The following RNF130 variants were observed in gnomAD, a reference collection of about 807,000 sequenced individuals.
RNF130 encodes the protein ring finger protein 130, also known as E3 ubiquitin-protein ligase RNF130.
A neutral mutation model predicts 44.6 loss-of-function variants in RNF130; 21 were observed. The observed-to-expected ratio is 0.47, with a 90% confidence interval of 0.33 to 0.68. The LOEUF (loss-of-function observed/expected upper bound fraction) is 0.68. Among genes scored for constraint, RNF130 ranks in the 30% least tolerant of loss-of-function variants. The pLI is 0.02. For synonymous variants in RNF130, 214 were observed against 210.4 expected, an observed-to-expected ratio of 1.02 and a Z score of -0.15; for missense variants, 479 against 560.6, an observed-to-expected ratio of 0.85 and a Z score of 1.47.
intron 7 of RNF130, among the ~76,000 whole-genome samples, chr5:179,946,547 A>G (rs1007397469): frequency 3.4e-5 from 5 of 147,338 alleles, no homozygotes; most frequent in Admixed American, 3.4e-4. Context: ...CAGCACACCC[A>G]CCGGGGATTT....
chr5:180,034,162 G>T (rs577975940), intron 2 of RNF130, among the ~76,000 whole-genome samples: 1 of 150,320 alleles, frequency 6.7e-6, no homozygotes, highest in East Asian at 1.9e-4. Context: ...TACCGAAAAT[G>T]GTTAGTTGGC....
At chr5:180,042,972 A>G (rs1295001628) in intron 1 of RNF130, among the ~76,000 whole-genome samples, 1 of 152,222 alleles carries the variant, frequency 6.6e-6, no homozygotes, top group Non-Finnish European at 1.5e-5. Context: ...ACTTATTTAT[A>G]AAGATTTAGA....
At chr5:180,021,215 C>A (rs950340469) in intron 2 of RNF130, among the ~76,000 whole-genome samples, 3 of 152,042 alleles carry the variant, frequency 2.0e-5, no homozygotes, top group Admixed American at 6.5e-5. Context: ...GTCTTGATCA[C>A]CTGATCTCAT....
intron 3 of RNF130, among the ~76,000 whole-genome samples, chr5:179,996,860 G>A (rs10054689): frequency 0.14 from 21,895 of 152,170 alleles, 3,842 homozygotes; most frequent in African/African-American, 0.42. Context: ...CTTCTCTTCA[G>A]TTTTCTGGAG....
chr5:180,059,383 G>A (rs1303978794), intron 1 of RNF130, among the ~76,000 whole-genome samples: 3 of 152,118 alleles, frequency 2.0e-5, no homozygotes, highest in Non-Finnish European at 4.4e-5. Flanking sequence ...CCTGTGTAAC[G>A]GTCTGCTTTC....
Position 180,071,704 on chromosome 5 carries a change from G to C in RNF130, c.-2C>G, listed in dbSNP as rs758632791. ...GCCCGCCCGCCCCGCGCAGCTCATC[G>C]TCCCTCCGGCAGCCGCCGCTGCTCG... On this transcript the variant is annotated 5_prime_UTR_variant, in exon 1 of 9. Transcript: ENST00000521389. 2.3e-6 allele frequency: 3 copies of C among 1,326,378 alleles called. No homozygotes were observed. In the East Asian group the frequency reaches 9.4e-5, roughly 42 times the overall value. 82.2% of individuals were successfully genotyped at this position (1,326,378 alleles called of 1,614,324 possible).
intron 8 of RNF130, among the ~76,000 whole-genome samples, chr5:179,963,065 G>A (rs528366292): frequency 1.3e-5 from 2 of 152,324 alleles, no homozygotes; most frequent in South Asian, 2.1e-4. Flanking sequence ...CACGGCCGCC[G>A]GGGCTTCCCC....
At chr5:179,963,860 T>C in intron 7 of RNF130, 1 of 352,076 alleles carries the variant, frequency 2.8e-6, no homozygotes, top group Non-Finnish European at 5.3e-6. Context: ...AATATGTATA[T>C]AAAATTGCAC....
chr5:179,983,837 A>G (rs913431581), intron 3 of RNF130, among the ~76,000 whole-genome samples: 6 of 152,218 alleles, frequency 3.9e-5, no homozygotes, highest in Non-Finnish European at 5.9e-5. Flanking sequence ...TTTTCACTAC[A>G]TAGGGCATAT....
In RNF130 at chr5:180,055,018, A is replaced by T. The variant is rs182664207; in HGVS notation, c.248-14371T>A. Reference sequence around the variant, plus strand: ...TGTTCCTAAATGTATTTGAGTTTTTAAAAAATTACTCTGCTGGTTATTGGT... The same window carrying T: ...TGTTCCTAAATGTATTTGAGTTTTTTAAAAATTACTCTGCTGGTTATTGGT... On this transcript the variant is annotated intron_variant, in intron 1 of 8. Coordinates refer to ENST00000521389, the MANE Select transcript of RNF130 (RefSeq NM_018434.6). 5.3e-4 allele frequency among the ~76,000 whole-genome samples: 80 copies of T among 152,180 alleles called. 1 individual carries two copies. The East Asian group carries it at 0.011, about 22-fold the overall frequency.
chr5:179,998,859 T>TTATA (rs61232613), intron 3 of RNF130, among the ~76,000 whole-genome samples: 1,202 of 88,748 alleles, frequency 0.014, 48 homozygotes, highest in African/African-American at 0.027. Flanking sequence ...CTAGTATTTT[T>TTATA]TATATATATA....
chr5:180,001,418 G>A (rs1763340461), intron 3 of RNF130, among the ~76,000 whole-genome samples: 1 of 152,150 alleles, frequency 6.6e-6, no homozygotes, highest in South Asian at 2.1e-4. Context: ...GTGGCAAAGT[G>A]GGATATGTTA....
In RNF130 at chr5:179,995,912, A is replaced by C. The variant is rs185393324; in HGVS notation, c.694-15712T>G. Among the ~76,000 whole-genome samples the C allele has an allele frequency of 2.6e-3, 398 of 152,314 alleles. 1 individual carries two copies. Among genetic ancestry groups the C allele is most frequent in the Non-Finnish European group, 4.2e-3 (286 of 68,012 alleles). On this transcript the variant is annotated intron_variant, in intron 3 of 8. Coordinates refer to ENST00000521389, the MANE Select transcript of RNF130 (RefSeq NM_018434.6). ...TCTGCACACTATTTTGCTTTTTCCA[A>C]GTGGGTTAGGCATGCTGGAAAAGCC...
In RNF130 at chr5:180,001,807, T is replaced by A. The variant is rs1464088899; in HGVS notation, c.693+11254A>T. Among the ~76,000 whole-genome samples the A allele has an allele frequency of 2.6e-5, 4 of 152,298 alleles. No individual in the cohort carries two copies. In the East Asian group the frequency reaches 7.7e-4, roughly 29 times the overall value. ...GGATAGCACAGTGATAATTCCACTC[T>A]CCAAGAGGAAGGTTATCTAAGCAGC... On this transcript the variant is annotated intron_variant, in intron 3 of 8. Transcript: ENST00000521389.
At chr5:179,963,745 A>G (rs1013580517) in intron 7 of RNF130, 181 bp from the exon 8 acceptor site, 3 of 602,186 alleles carry the variant, frequency 5.0e-6, no homozygotes, top group South Asian at 1.9e-5. Context: ...TAGTGGAAGT[A>G]CTGGTGAAAG....
chr5:179,973,324 G>A (rs1448685680), intron 5 of RNF130, among the ~76,000 whole-genome samples: 3 of 152,060 alleles, frequency 2.0e-5, no homozygotes, highest in Admixed American at 2.0e-4. Flanking sequence ...CCTGAACACG[G>A]CACCTTTTTC....
At chr5:180,030,053 G>A (rs981462605) in intron 2 of RNF130, among the ~76,000 whole-genome samples, 1 of 151,814 alleles carries the variant, frequency 6.6e-6, no homozygotes, top group South Asian at 2.1e-4. Flanking sequence ...TCATCATGTT[G>A]GCCAGGCTGG....
At chr5:179,991,277 G>A (rs958063138) in intron 3 of RNF130, among the ~76,000 whole-genome samples, 3 of 152,252 alleles carry the variant, frequency 2.0e-5, no homozygotes. Context: ...ATGACTATAT[G>A]TCATGGTGAA....
At chr5:179,995,809 A>T (rs139033176) in intron 3 of RNF130, among the ~76,000 whole-genome samples, 273 of 152,230 alleles carry the variant, frequency 1.8e-3, no homozygotes, top group African/African-American at 6.3e-3. Flanking sequence ...CTGTCTCCCA[A>T]ATTTCTCTTT....
Sources: gnomAD v4.1 joint callset for allele counts (sites outside exome capture counted in the v4.1 genomes callset) on GRCh38, gnomAD v4.1.1 for gene constraint, MANE v1.5 for transcripts, NCBI Gene and HGNC (gene_info 2026-07-23, HGNC 2026-07-21) for gene names.